MAGT1: variants seen among roughly 807,000 people sequenced by gnomAD.
The protein encoded by MAGT1 is magnesium transporter 1.
A neutral mutation model predicts 28.4 loss-of-function variants in MAGT1; 4 were observed. The ratio of observed to expected loss-of-function variants is 0.14; its 90% CI spans 0.07 to 0.32. MAGT1 has a LOEUF of 0.32. Ranked by LOEUF, MAGT1 falls within the 10% of genes least tolerant of loss-of-function variation. The pLI is 1.00. For synonymous variants in MAGT1, 89 were observed against 89.7 expected (o/e 0.99, Z 0.04); for missense variants, 193 against 264.5 (o/e 0.73, Z 1.88).
Position 77,825,790 on chromosome X carries a change from T to C in MAGT1, c.*3430A>G, listed in dbSNP as rs2076881696. Reference sequence around the variant, plus strand: ...TTTAATATTTTGCATAATAGAACAATAGAGCAGGAAGGACTACTAAGGTAA... The same window carrying C: ...TTTAATATTTTGCATAATAGAACAACAGAGCAGGAAGGACTACTAAGGTAA... On this transcript the variant is annotated 3_prime_UTR_variant, in exon 10 of 10. Transcript: ENST00000618282. 8.9e-6 allele frequency among the ~76,000 whole-genome samples: 1 copy of C among 112,709 alleles called. No homozygotes were observed. Among genetic ancestry groups the C allele is most frequent in the Admixed American group, 9.4e-5 (1 of 10,593 alleles).
At chrX:77,895,544 A>T (rs781974038), upstream of MAGT1, 12 of 1,099,449 alleles carry the variant, frequency 1.1e-5, no homozygotes, top group African/African-American at 2.0e-4. Flanking sequence ...CCCTCACATT[A>T]CGTCACAGCG....
At chrX:77,849,874 C>T (rs1289621939) in intron 7 of MAGT1, among the ~76,000 whole-genome samples, 1 of 54,864 alleles carries the variant, frequency 1.8e-5, no homozygotes, top group African/African-American at 7.2e-5. Flanking sequence ...GACTCCATCT[C>T]AAAAACAAAA....
chrX:77,858,564 C>T (rs781900249), intron 3 of MAGT1, among the ~76,000 whole-genome samples: 36 of 111,934 alleles, frequency 3.2e-4, no homozygotes, highest in African/African-American at 1.1e-3. Flanking sequence ...AGTTAAAATC[C>T]TTCTAACAGT....
intron 1 of MAGT1, among the ~76,000 whole-genome samples, chrX:77,876,545 T>C (rs1015496085): frequency 5.4e-5 from 6 of 110,669 alleles, no homozygotes; most frequent in Admixed American, 4.9e-4. Flanking sequence ...GAAGGGATAG[T>C]ATCACAGAAC....
intron 7 of MAGT1, among the ~76,000 whole-genome samples, chrX:77,844,572 T>C (rs1313839192): frequency 1.1e-4 from 12 of 111,821 alleles, no homozygotes; most frequent in Admixed American, 1.9e-4. Context: ...CTGCTTTCTC[T>C]TGTGGGCATT....
chrX:77,883,714 G>A (rs1221058292), intron 1 of MAGT1, among the ~76,000 whole-genome samples: 1 of 107,047 alleles, frequency 9.3e-6, no homozygotes, highest in Non-Finnish European at 1.9e-5. Context: ...GTGCACCACC[G>A]TGCCCCACTA....
At chrX:77,836,674 C>A (rs1244560411) in intron 8 of MAGT1, among the ~76,000 whole-genome samples, 1 of 111,721 alleles carries the variant, frequency 9.0e-6, no homozygotes, top group Non-Finnish European at 1.9e-5. Context: ...GAGGCCAAGG[C>A]AGAAGGATTG....
intron 1 of MAGT1, among the ~76,000 whole-genome samples, chrX:77,875,902 G>T (rs2077032119): frequency 9.1e-6 from 1 of 109,492 alleles, no homozygotes; most frequent in South Asian, 3.8e-4. Context: ...CACAATGAGG[G>T]CTCACTGTAG....
At chrX:77,894,468 G>C (rs1399143844) in intron 1 of MAGT1, among the ~76,000 whole-genome samples, 1 of 112,104 alleles carries the variant, frequency 8.9e-6, no homozygotes, top group African/African-American at 3.2e-5. Flanking sequence ...AGCACAGAAT[G>C]TACAGGAAAT....
At position 77,886,208 on chromosome X, in the gene MAGT1, GATC is replaced by G. The variant is rs781785752; in HGVS notation, c.102+9098_102+9100del. 3.6e-5 allele frequency among the ~76,000 whole-genome samples: 4 copies of G among 111,676 alleles called. No homozygotes were observed. The South Asian group carries it at 1.5e-3, about 41-fold the overall frequency. On this transcript the variant is annotated intron_variant, in intron 1 of 9. Coordinates refer to ENST00000618282, the MANE Select transcript of MAGT1 (RefSeq NM_001367916.1). ...TCAAAAATCTTTAAAAATCATTACT[GATC>G]AAAATACAACATAAAAGAAAGATTT...
chrX:77,858,319 G>A (rs1214424443), intron 3 of MAGT1, among the ~76,000 whole-genome samples: 1 of 110,363 alleles, frequency 9.1e-6, no homozygotes, highest in African/African-American at 3.3e-5. Context: ...GCCTCCCAAG[G>A]AGCTGGGATT....
intron 1 of MAGT1, among the ~76,000 whole-genome samples, chrX:77,877,062 T>C (rs1413943070): frequency 1.1e-5 from 1 of 94,443 alleles, no homozygotes; most frequent in East Asian, 3.2e-4. Flanking sequence ...ATAGATCATA[T>C]ACTTAACTGT....
intron 8 of MAGT1, among the ~76,000 whole-genome samples, chrX:77,840,835 C>G (rs1177104810): frequency 5.4e-5 from 6 of 111,354 alleles, no homozygotes; most frequent in Admixed American, 9.7e-5. Context: ...AGAGTGAGAC[C>G]CTATCTTAAA....
intron 1 of MAGT1, among the ~76,000 whole-genome samples, chrX:77,882,504 T>C (rs2077055396): frequency 8.9e-6 from 1 of 111,820 alleles, no homozygotes; most frequent in Non-Finnish European, 1.9e-5. Flanking sequence ...AAAACAAGTG[T>C]GAAGCAGTAA....
chrX:77,883,378 CTGTT>C (rs2077058702), intron 1 of MAGT1, among the ~76,000 whole-genome samples: 1 of 106,604 alleles, frequency 9.4e-6, no homozygotes, highest in Admixed American at 1.1e-4. Flanking sequence ...ATTCCTCTTC[CTGTT>C]TATTAACAGA....
chrX:77,852,870 T>C (rs782668613), intron 7 of MAGT1, among the ~76,000 whole-genome samples: 1 of 111,849 alleles, frequency 8.9e-6, no homozygotes, highest in East Asian at 2.8e-4. Flanking sequence ...AGTGCTAGGA[T>C]TACAGGTGTG....
rs782165782 is a variant in MAGT1 at position 77,888,412 on chromosome X, T to C, written c.102+6897A>G. Among the ~76,000 whole-genome samples the C allele has an allele frequency of 3.1e-4, 35 of 111,494 alleles. No individual in the cohort carries two copies. The South Asian group carries it at 4.1e-3, about 13-fold the overall frequency. On this transcript the variant is annotated intron_variant, in intron 1 of 9. Transcript: ENST00000618282. ...TTTTAACTAGTATGTCCAAAAAAAA[T>C]CACCTCACTACTAGAAGGCAATGTC...
At chrX:77,893,368 C>T (rs1217220435) in intron 1 of MAGT1, among the ~76,000 whole-genome samples, 5 of 111,394 alleles carry the variant, frequency 4.5e-5, no homozygotes, top group African/African-American at 1.6e-4. Flanking sequence ...GGTGAATGTA[C>T]TTCCAAGAGA....
At chrX:77,871,023 G>A (rs2077019162) in intron 2 of MAGT1, 98 bp from the exon 3 acceptor site, 4 of 587,912 alleles carry the variant, frequency 6.8e-6, no homozygotes, top group African/African-American at 2.2e-5. Context: ...GCAATAGCAG[G>A]TTTTCCAATG....
Sources: gnomAD v4.1 joint callset for allele counts (sites outside exome capture counted in the v4.1 genomes callset) on GRCh38, gnomAD v4.1.1 for gene constraint, MANE v1.5 for transcripts, NCBI Gene and HGNC (gene_info 2026-07-23, HGNC 2026-07-21) for gene names.